PLPPR1: variants seen among roughly 807,000 people sequenced by gnomAD.
PLPPR1 encodes the protein phospholipid phosphatase-related protein type 1.
PLPPR1 carries 10 observed loss-of-function variants against 33.1 expected under a neutral mutation model. The ratio of observed to expected loss-of-function variants is 0.30; its 90% CI spans 0.19 to 0.51. PLPPR1 has a LOEUF of 0.51. Among genes scored for constraint, PLPPR1 ranks in the 20% least tolerant of loss-of-function variants. The pLI, the probability that PLPPR1 is intolerant of heterozygous loss-of-function variation, is 0.97. For synonymous variants in PLPPR1, 151 were observed against 151.0 expected (o/e 1.00, Z 0.00); for missense variants, 304 against 408.1 (o/e 0.74, Z 2.20).
At chr9:101,076,964 G>C (rs1209222814) in intron 1 of PLPPR1, among the ~76,000 whole-genome samples, 1 of 152,024 alleles carries the variant, frequency 6.6e-6, no homozygotes, top group African/African-American at 2.4e-5. Context: ...GTTATATGAG[G>C]GTATTTTGTC....
intron 3 of PLPPR1, among the ~76,000 whole-genome samples, chr9:101,276,613 T>G (rs2118903736): frequency 6.6e-6 from 1 of 152,358 alleles, no homozygotes; most frequent in East Asian, 1.9e-4. Context: ...TACTTTTTAC[T>G]GAAAGTAGTA....
chr9:101,056,724 C>A (rs1376362892), intron 1 of PLPPR1, among the ~76,000 whole-genome samples: 3 of 152,170 alleles, frequency 2.0e-5, no homozygotes, highest in African/African-American at 7.2e-5. Flanking sequence ...GGGAAGAATT[C>A]ATCAATTACT....
At chr9:101,108,828 G>T (rs907328994) in intron 1 of PLPPR1, among the ~76,000 whole-genome samples, 1 of 151,890 alleles carries the variant, frequency 6.6e-6, no homozygotes, top group African/African-American at 2.4e-5. Flanking sequence ...GTGTTTTTAT[G>T]TTAATATGCA....
chr9:101,112,483 A>T (rs1452649049), intron 1 of PLPPR1, among the ~76,000 whole-genome samples: 1 of 152,184 alleles, frequency 6.6e-6, no homozygotes, highest in Non-Finnish European at 1.5e-5. Context: ...ACAGCTTCAG[A>T]TGCAAACAGT....
intron 1 of PLPPR1, among the ~76,000 whole-genome samples, chr9:101,114,880 G>T (rs1831100673): frequency 6.6e-6 from 1 of 152,198 alleles, no homozygotes; most frequent in African/African-American, 2.4e-5. Flanking sequence ...TCTCTATAAA[G>T]GGGAGAGCTT....
At chr9:101,049,840 T>C (rs906075683) in intron 1 of PLPPR1, among the ~76,000 whole-genome samples, 10 of 150,694 alleles carry the variant, frequency 6.6e-5, no homozygotes, top group Admixed American at 5.3e-4. Flanking sequence ...AAAAAAAAAG[T>C]ATAGGCCATG....
At chr9:101,159,515 G>A (rs1007266491) in intron 1 of PLPPR1, among the ~76,000 whole-genome samples, 1 of 152,146 alleles carries the variant, frequency 6.6e-6, no homozygotes, top group African/African-American at 2.4e-5. Context: ...GCTGAAAGGT[G>A]GAATGAGAGA....
At chr9:101,030,356 T>C (rs1475792241) in intron 1 of PLPPR1, among the ~76,000 whole-genome samples, 2 of 150,760 alleles carry the variant, frequency 1.3e-5, no homozygotes, top group Non-Finnish European at 3.0e-5. Context: ...CACTACAGCC[T>C]TCACTGAATT....
chr9:101,101,543 T>C (rs539417918), intron 1 of PLPPR1, among the ~76,000 whole-genome samples: 1 of 148,064 alleles, frequency 6.8e-6, no homozygotes, highest in Non-Finnish European at 1.5e-5. Flanking sequence ...AAAGAAACAA[T>C]AACAATTCAG....
intron 1 of PLPPR1, among the ~76,000 whole-genome samples, chr9:101,046,435 CT>C (rs527884198): frequency 0.037 from 4,348 of 116,700 alleles, 49 homozygotes; most frequent in African/African-American, 0.094. Context: ...CTCTTTTATT[CT>C]TTTTTTTTTT....
chr9:101,051,831 T>C (rs951975964), intron 1 of PLPPR1, among the ~76,000 whole-genome samples: 2 of 152,200 alleles, frequency 1.3e-5, no homozygotes, highest in Non-Finnish European at 2.9e-5. Context: ...ATAACCTCTA[T>C]TTACATTTTA....
At chr9:101,287,681 A>G (rs1042837644) in intron 4 of PLPPR1, among the ~76,000 whole-genome samples, 10 of 151,998 alleles carry the variant, frequency 6.6e-5, no homozygotes, top group Non-Finnish European at 1.2e-4. Flanking sequence ...TTGCATTTTT[A>G]GTAGAGACGA....
intron 2 of PLPPR1, among the ~76,000 whole-genome samples, chr9:101,245,728 C>T (rs1451103760): frequency 2.6e-5 from 4 of 151,650 alleles, no homozygotes; most frequent in Admixed American, 1.3e-4. Context: ...TCTTTGGTTC[C>T]CTCATCTGTA....
At chr9:101,291,913 C>T (rs1318224497) in intron 4 of PLPPR1, among the ~76,000 whole-genome samples, 9 of 152,296 alleles carry the variant, frequency 5.9e-5, no homozygotes, top group Admixed American at 3.3e-4. Flanking sequence ...CACAGCTCCT[C>T]ACCAGCAACA....
chr9:101,243,608 G>A (rs934929631), intron 2 of PLPPR1, among the ~76,000 whole-genome samples: 13 of 151,988 alleles, frequency 8.6e-5, no homozygotes, highest in African/African-American at 3.1e-4. Flanking sequence ...CCTTCAGGAG[G>A]TGGAGGGAGG....
At chr9:101,085,430 T>C (rs1455835812) in intron 1 of PLPPR1, among the ~76,000 whole-genome samples, 5 of 152,178 alleles carry the variant, frequency 3.3e-5, no homozygotes, top group Admixed American at 1.3e-4. Flanking sequence ...GTAAGGAAGA[T>C]GAAGGAGGTA....
intron 1 of PLPPR1, among the ~76,000 whole-genome samples, chr9:101,040,583 A>C (rs1830065205): frequency 6.6e-6 from 1 of 152,144 alleles, no homozygotes; most frequent in Non-Finnish European, 1.5e-5. Flanking sequence ...CTCAGTCTGG[A>C]ATGCCTGTTC....
At chr9:101,247,954 C>T (rs1203307802) in intron 2 of PLPPR1, among the ~76,000 whole-genome samples, 1 of 151,906 alleles carries the variant, frequency 6.6e-6, no homozygotes, top group East Asian at 1.9e-4. Flanking sequence ...TTCTTATTCT[C>T]CTTCACAGAA....
chr9:101,038,058 C>T (rs1350292933), intron 1 of PLPPR1, among the ~76,000 whole-genome samples: 4 of 152,016 alleles, frequency 2.6e-5, no homozygotes, highest in African/African-American at 9.7e-5. Context: ...TAACCTCTTT[C>T]CCAGAAAACG....
Sources: gnomAD v4.1 joint callset for allele counts (sites outside exome capture counted in the v4.1 genomes callset) on GRCh38, gnomAD v4.1.1 for gene constraint, MANE v1.5 for transcripts, NCBI Gene and HGNC (gene_info 2026-07-23, HGNC 2026-07-21) for gene names.